SEPTIN9: variants seen among roughly 807,000 people sequenced by gnomAD.
SEPTIN9 encodes septin 9.
Under a neutral mutation model 56.6 loss-of-function variants are expected in SEPTIN9, and 13 were observed. That is an observed-to-expected ratio of 0.23 (90% CI 0.15 to 0.37). The LOEUF (loss-of-function observed/expected upper bound fraction) is 0.37. Among genes scored for constraint, SEPTIN9 ranks in the 10% least tolerant of loss-of-function variants. SEPTIN9 has a pLI of 1.00. For synonymous variants in SEPTIN9, 332 were observed against 334.1 expected (o/e 0.99, Z 0.07); for missense variants, 650 against 823.1 (o/e 0.79, Z 2.57).
intron 2 of SEPTIN9, chr17:77,373,526 T>G: frequency 6.5e-7 from 1 of 1,544,528 alleles, no homozygotes; most frequent in Non-Finnish European, 8.7e-7. Context: ...AACGCGCAGC[T>G]GGATGGGATC....
In SEPTIN9 at chr17:77,429,394, C is replaced by T. The variant is rs372026548; in HGVS notation, c.721+26691C>T. ...GTTGCAAAATGGGGACATCACCGTC[C>T]GCCTGGGCTACAGCGTGCTCGCCGA... On this transcript the variant is annotated intron_variant, in intron 3 of 11. Coordinates refer to ENST00000427177, the MANE Select transcript of SEPTIN9 (RefSeq NM_001113491.2). The surrounding 1 kb of genome is among the most constrained non-coding windows in gnomAD (Gnocchi z 5.2). The T allele has an allele frequency of 8.3e-4, 349 of 421,980 alleles. 5 individuals are homozygous for T. The highest frequency in any genetic ancestry group is 4.6e-3 in the South Asian group (261 of 56,364). The allele number at this position is 421,980 out of a possible 1,614,324, so 26.1% of individuals were successfully genotyped here. A position where few individuals can be genotyped will look rare whatever the true frequency, so the allele number is the denominator to read the frequency against.
At chr17:77,314,155 G>A (rs1389127148) in intron 2 of SEPTIN9, among the ~76,000 whole-genome samples, 1 of 151,338 alleles carries the variant, frequency 6.6e-6, no homozygotes, top group African/African-American at 2.4e-5. Context: ...GGCAAAGGGA[G>A]TAAGGCCCTG....
At position 77,313,775 on chromosome 17, in the gene SEPTIN9, G is replaced by A. The variant is rs1410081064; in HGVS notation, c.76+6578G>A. On this transcript the variant is annotated intron_variant, in intron 2 of 11. Coordinates refer to ENST00000427177, the MANE Select transcript of SEPTIN9 (RefSeq NM_001113491.2). This position sits in a 1 kb window ranked among gnomAD's most constrained non-coding sequence, Gnocchi z 4.5. The stretch of plus-strand genomic sequence containing the variant: ...AGGCAGGGTCTTTCTCTGTCCCCCA[G>A]GCTGGAGTGCAGTGGCACAATTATA... Among the ~76,000 whole-genome samples the A allele has an allele frequency of 6.6e-6, 1 of 151,992 alleles. No individual in the cohort carries two copies. Among genetic ancestry groups the A allele is most frequent in the Non-Finnish European group, 1.5e-5 (1 of 67,982 alleles).
At position 77,450,525 on chromosome 17, in the gene SEPTIN9, T is replaced by G. The variant is rs1251554384; in HGVS notation, c.722-31619T>G. ...GGAGTGGCCACGCCCCTGCTGGGAGTGACTCACTTGGGTTCAGAGGTCGTG... is the reference window on the plus strand; with the variant it reads ...GGAGTGGCCACGCCCCTGCTGGGAGGGACTCACTTGGGTTCAGAGGTCGTG... On this transcript the variant is annotated intron_variant, in intron 3 of 11. Transcript: ENST00000427177. This position sits in a 1 kb window ranked among gnomAD's most constrained non-coding sequence, Gnocchi z 6.0. 1.0e-6 allele frequency: 1 copy of G among 985,032 alleles called. No homozygotes were observed. Among genetic ancestry groups the G allele is most frequent in the Admixed American group, 6.2e-5 (1 of 16,244 alleles). 61.0% of individuals were successfully genotyped at this position (985,032 alleles called of 1,614,324 possible). A position where few individuals can be genotyped will look rare whatever the true frequency, so the allele number is the denominator to read the frequency against.
rs74656759 is a variant in SEPTIN9 at position 77,451,752 on chromosome 17, A to G, written c.722-30392A>G. 9.4e-3 allele frequency among the ~76,000 whole-genome samples: 1,427 copies of G among 152,284 alleles called. 16 individuals carry two copies. Among genetic ancestry groups the G allele is most frequent in the African/African-American group, 0.032 (1,335 of 41,550 alleles). Reference sequence around the variant, plus strand: ...GACCAGATTTTCGGCCTCAAAATAGAAGAATAGGGCTTTGTGTGGTCACAG... The same window carrying G: ...GACCAGATTTTCGGCCTCAAAATAGGAGAATAGGGCTTTGTGTGGTCACAG... On this transcript the variant is annotated intron_variant, in intron 3 of 11. Coordinates refer to ENST00000427177, the MANE Select transcript of SEPTIN9 (RefSeq NM_001113491.2). The surrounding 1 kb of genome is among the most constrained non-coding windows in gnomAD (Gnocchi z 4.2).
chr17:77,379,680 C>T (rs992086562), intron 2 of SEPTIN9, among the ~76,000 whole-genome samples: 3 of 152,210 alleles, frequency 2.0e-5, no homozygotes, highest in African/African-American at 7.2e-5. Context: ...CTTCCCTTTG[C>T]CAGCCAGCCA....
intron 2 of SEPTIN9, among the ~76,000 whole-genome samples, chr17:77,358,931 TG>T (rs1468655662): frequency 6.6e-6 from 1 of 152,140 alleles, no homozygotes; most frequent in Non-Finnish European, 1.5e-5. Flanking sequence ...TCAGTCGTTA[TG>T]GGGGCCCAGG....
At chr17:77,370,576 C>T (rs892960) in intron 2 of SEPTIN9, among the ~76,000 whole-genome samples, 27,609 of 152,220 alleles carry the variant, frequency 0.18, 3,116 homozygotes, top group East Asian at 0.39. Flanking sequence ...AAGACGCAGG[C>T]GGTCCCTTTG....
At chr17:77,401,544 G>C (rs312859) in intron 2 of SEPTIN9, among the ~76,000 whole-genome samples, 4,910 of 152,096 alleles carry the variant, frequency 0.032, 222 homozygotes, top group African/African-American at 0.099. Context: ...TCAGGAGTCC[G>C]AGACCAGACT....
At position 77,497,432 on chromosome 17, in the gene SEPTIN9, G is replaced by A. The variant is rs2040317042; in HGVS notation, c.1625+66G>A. On this transcript the variant is annotated intron_variant, in intron 11 of 11. Transcript: ENST00000427177. ...CCTAAGAGGGCCCTACAGCGGGTGG[G>A]GGCAGTGGGTGTGGGGCCGAAGCCC... is the stretch of plus-strand genomic sequence containing the variant. The A allele has an allele frequency of 2.7e-6, 4 of 1,491,292 alleles. No individual in the cohort carries two copies. In the African/African-American group the frequency reaches 4.1e-5, roughly 15 times the overall value. The allele number at this position is 1,491,292 out of a possible 1,614,324, so 92.4% of individuals were successfully genotyped here. A position where few individuals can be genotyped will look rare whatever the true frequency, so the allele number is the denominator to read the frequency against.
At chr17:77,294,197 T>A (rs1287033264) in intron 1 of SEPTIN9, among the ~76,000 whole-genome samples, 1 of 151,608 alleles carries the variant, frequency 6.6e-6, no homozygotes, top group African/African-American at 2.4e-5. Flanking sequence ...GATGGGCGGA[T>A]CACTTGAGGT....
chr17:77,318,953 A>G lies in SEPTIN9; in HGVS notation c.76+11756A>G, dbSNP rs1458829476. ...GGCCTTGGGGAGCAGCACAGACTGA[A>G]AAGTGTTTTGTCTGAAGAGCAGAAC... On this transcript the variant is annotated intron_variant, in intron 2 of 11. Transcript: ENST00000427177. This position sits in a 1 kb window ranked among gnomAD's most constrained non-coding sequence, Gnocchi z 4.9. Among the ~76,000 whole-genome samples, 2 of 152,128 alleles carry G rather than the reference A, an allele frequency of 1.3e-5. No individual in the cohort carries two copies. Among genetic ancestry groups the G allele is most frequent in the Non-Finnish European group, 2.9e-5 (2 of 68,014 alleles).
chr17:77,480,492 T>C (rs1318180323), intron 3 of SEPTIN9, among the ~76,000 whole-genome samples: 1 of 152,220 alleles, frequency 6.6e-6, no homozygotes, highest in Non-Finnish European at 1.5e-5. Context: ...GCAGTTGAAC[T>C]GAAGTCTCCC....
intron 2 of SEPTIN9, among the ~76,000 whole-genome samples, chr17:77,314,667 C>A (rs1196814128): frequency 6.6e-6 from 1 of 152,196 alleles, no homozygotes; most frequent in Non-Finnish European, 1.5e-5. Context: ...CCGCGCAGCA[C>A]CCTTCCCCAG....
intron 2 of SEPTIN9, among the ~76,000 whole-genome samples, chr17:77,335,062 T>G (rs1598209387): frequency 6.6e-6 from 1 of 151,892 alleles, no homozygotes; most frequent in Non-Finnish European, 1.5e-5. Flanking sequence ...GTATATGTGG[T>G]CCTGTATTAG....
At chr17:77,365,316 CTCTCTT>C (rs1483091378) in intron 2 of SEPTIN9, among the ~76,000 whole-genome samples, 2 of 152,048 alleles carry the variant, frequency 1.3e-5, no homozygotes, top group African/African-American at 4.8e-5. Flanking sequence ...ACCTCTTTCT[CTCTCTT>C]TCTCTCTTTC....
rs1274421486 is a variant in SEPTIN9, at chr17:77,294,120, C to CA, written c.19+12568dup. 3.4e-3 allele frequency among the ~76,000 whole-genome samples: 443 copies of CA among 129,362 alleles called. 8 individuals are homozygous for CA. Among genetic ancestry groups the CA allele is most frequent in the African/African-American group, 0.013 (423 of 32,894 alleles). The allele number at this position is 129,362 out of a possible 152,430, so 84.9% of individuals were successfully genotyped here. On this transcript the variant is annotated intron_variant, in intron 1 of 11. Coordinates refer to ENST00000427177, the MANE Select transcript of SEPTIN9 (RefSeq NM_001113491.2). ...CCATGTCTCAAAAAAAAAAAAAAAA[C>CA]AACAAAAAAAAACATAGGCTGGGCG...
chr17:77,365,006 C>G (rs1291701831), intron 2 of SEPTIN9, among the ~76,000 whole-genome samples: 1 of 152,232 alleles, frequency 6.6e-6, no homozygotes, highest in Admixed American at 6.5e-5. Context: ...ATAGTTAGAG[C>G]ATCGGGTCTT....
In SEPTIN9 at chr17:77,326,862, G is replaced by C. The variant is rs1470235860; in HGVS notation, c.76+19665G>C. ...ATTGAATCAATCATGCCTTCGTAAT[G>C]AGGCCTCCGTGAACACTCAGAAGGA... On this transcript the variant is annotated intron_variant, in intron 2 of 11. Transcript: ENST00000427177. This position sits in a 1 kb window ranked among gnomAD's most constrained non-coding sequence, Gnocchi z 5.1. 2.0e-5 allele frequency among the ~76,000 whole-genome samples: 3 copies of C among 152,034 alleles called. No individual in the cohort carries two copies. Among genetic ancestry groups the C allele is most frequent in the Non-Finnish European group, 4.4e-5 (3 of 68,010 alleles).
Sources: gnomAD v4.1 joint callset for allele counts (sites outside exome capture counted in the v4.1 genomes callset) on GRCh38, gnomAD v4.1.1 for gene constraint, Gnocchi (gnomAD v3.1) non-coding constraint, MANE v1.5 for transcripts, NCBI Gene and HGNC (gene_info 2026-07-23, HGNC 2026-07-21) for gene names.